Variants in JMJD1C observed in about 807,000 individuals in gnomAD.
JMJD1C encodes jumonji domain containing 1C.
JMJD1C carries 31 observed loss-of-function variants against 245.3 expected under a neutral mutation model. The ratio of observed to expected loss-of-function variants is 0.13; its 90% CI spans 0.09 to 0.17. JMJD1C has a LOEUF of 0.17. Ranked by LOEUF, JMJD1C falls within the 10% of genes least tolerant of loss-of-function variation. JMJD1C has a pLI of 1.00. For synonymous variants in JMJD1C, 1,057 were observed against 1,017.4 expected (o/e 1.04, Z -0.74); for missense variants, 2,691 against 3,000.2 (o/e 0.90, Z 2.41).
chr10:63,377,977 A>G (rs1946898690), intron 2 of JMJD1C, among the ~76,000 whole-genome samples: 1 of 148,928 alleles, frequency 6.7e-6, no homozygotes, highest in Non-Finnish European at 1.5e-5. Context: ...ATCAAAAATT[A>G]TATATATTAG....
At chr10:63,382,752 C>T in intron 1 of JMJD1C, 1 of 455,612 alleles carries the variant, frequency 2.2e-6, no homozygotes, top group Non-Finnish European at 4.4e-6. Flanking sequence ...GTCTTCTCAT[C>T]ACTTATATTT....
chr10:63,249,086 C>A (rs1006355782), intron 3 of JMJD1C, among the ~76,000 whole-genome samples: 2 of 152,146 alleles, frequency 1.3e-5, no homozygotes, highest in African/African-American at 4.8e-5. Flanking sequence ...GAGGCCAAGG[C>A]GGGTGGATCA....
At position 63,213,463 on chromosome 10, in the gene JMJD1C, T is replaced by A. The variant is rs1847609749; in HGVS notation, c.2694+10A>T. 1 of 1,523,332 alleles carries A rather than the reference T, an allele frequency of 6.6e-7. No homozygotes were observed. The highest frequency in any genetic ancestry group is 9.0e-7 in the Non-Finnish European group (1 of 1,106,906). 94.4% of individuals were successfully genotyped at this position (1,523,332 alleles called of 1,614,324 possible). A position where few individuals can be genotyped will look rare whatever the true frequency, so the allele number is the denominator to read the frequency against. On this transcript the variant is annotated intron_variant, in intron 8 of 25. Coordinates refer to ENST00000399262, the MANE Select transcript of JMJD1C (RefSeq NM_032776.3). ...TATACTGCTATGTGGCAAACTACAG[T>A]GTAACTTACCCTCCTTAATGAAGCT...
At chr10:63,319,413 C>T (rs1940566475) in intron 2 of JMJD1C, among the ~76,000 whole-genome samples, 1 of 151,086 alleles carries the variant, frequency 6.6e-6, no homozygotes, top group African/African-American at 2.4e-5. Context: ...TTATCTCTGG[C>T]AGTCTTATAT....
intron 22 of JMJD1C, among the ~76,000 whole-genome samples, chr10:63,181,905 A>G (rs182575922): frequency 3.3e-5 from 5 of 152,324 alleles, no homozygotes; most frequent in African/African-American, 1.2e-4. Flanking sequence ...CGCTCAGACA[A>G]TAACTCAAGT....
At chr10:63,393,450 T>C (rs1454705067) in intron 1 of JMJD1C, among the ~76,000 whole-genome samples, 2 of 152,150 alleles carry the variant, frequency 1.3e-5, no homozygotes, top group South Asian at 2.1e-4. Flanking sequence ...GAATATAAAT[T>C]AGTACAGTCA....
chr10:63,370,018 T>G (rs1405977716), intron 2 of JMJD1C, among the ~76,000 whole-genome samples: 4 of 152,186 alleles, frequency 2.6e-5, no homozygotes, highest in African/African-American at 9.7e-5. Context: ...GTATGTGATT[T>G]TGAGCCCCAG....
In JMJD1C at chr10:63,168,283, T is replaced by C. The variant is rs1322344475; in HGVS notation, c.7534-149A>G. The C allele has an allele frequency of 6.0e-6, 6 of 996,904 alleles. No homozygotes were observed. The East Asian group carries it at 1.2e-4, about 20-fold the overall frequency. The allele number at this position is 996,904 out of a possible 1,614,324, so 61.8% of individuals were successfully genotyped here. ...AAGTGTTAAGCCAAAAGGGACACTA[T>C]AAATCATACAATTAAATACATGTTG... On this transcript the variant is annotated intron_variant, in intron 25 of 25. Coordinates refer to ENST00000399262, the MANE Select transcript of JMJD1C (RefSeq NM_032776.3).
intron 1 of JMJD1C, among the ~76,000 whole-genome samples, chr10:63,399,799 C>A (rs1036213716): frequency 4.0e-5 from 6 of 150,888 alleles, no homozygotes; most frequent in South Asian, 2.1e-4. Context: ...ACAAAAACTT[C>A]TTTTGGGATT....
chr10:63,391,407 G>C (rs1473623556), intron 1 of JMJD1C, among the ~76,000 whole-genome samples: 4 of 152,104 alleles, frequency 2.6e-5, no homozygotes, highest in Non-Finnish European at 5.9e-5. Flanking sequence ...CCACTTGGGA[G>C]GCTGAGGCAG....
chr10:63,344,434 A>G (rs888136203), intron 2 of JMJD1C, among the ~76,000 whole-genome samples: 2 of 152,242 alleles, frequency 1.3e-5, no homozygotes, highest in Non-Finnish European at 2.9e-5. Context: ...TACACAGCAA[A>G]GAAATCACCT....
chr10:63,337,425 G>C (rs1942849979), intron 2 of JMJD1C, among the ~76,000 whole-genome samples: 1 of 124,462 alleles, frequency 8.0e-6, no homozygotes, highest in African/African-American at 3.1e-5. Context: ...CTGGGTGACA[G>C]AGTGAGCCTC....
At chr10:63,197,361 C>T in intron 13 of JMJD1C, 50 bp downstream of exon 13, 3 of 1,480,468 alleles carry the variant, frequency 2.0e-6, no homozygotes, top group Middle Eastern at 1.8e-4. Context: ...AAGAGTGATC[C>T]TAAAGAAAAA....
chr10:63,490,039 G>C (rs781498152), intron 1 of JMJD1C, among the ~76,000 whole-genome samples: 9 of 152,314 alleles, frequency 5.9e-5, no homozygotes, highest in Non-Finnish European at 1.3e-4. Flanking sequence ...TTCCTTATGA[G>C]AATCTAATGC....
At chr10:63,500,304 T>C (rs1385091418) in intron 1 of JMJD1C, among the ~76,000 whole-genome samples, 1 of 151,664 alleles carries the variant, frequency 6.6e-6, no homozygotes, top group Non-Finnish European at 1.5e-5. Flanking sequence ...ACACTTGTAG[T>C]CCCAGCCACT....
intron 3 of JMJD1C, among the ~76,000 whole-genome samples, chr10:63,234,561 C>A (rs760648764): frequency 1.1e-4 from 13 of 121,086 alleles, no homozygotes; most frequent in African/African-American, 4.4e-4. Flanking sequence ...TAAAAAAAAA[C>A]CTTTTAATAT....
chr10:63,334,585 G>A (rs923196562), intron 2 of JMJD1C, among the ~76,000 whole-genome samples: 3 of 152,072 alleles, frequency 2.0e-5, no homozygotes, highest in African/African-American at 7.2e-5. Context: ...AGCCAGGCGT[G>A]GTGGTATGTG....
intron 1 of JMJD1C, among the ~76,000 whole-genome samples, chr10:63,497,395 A>G (rs1439320718): frequency 6.6e-6 from 1 of 152,216 alleles, no homozygotes; most frequent in African/African-American, 2.4e-5. Context: ...AGCCAGTCAC[A>G]AAAGACCACA....
intron 17 of JMJD1C, among the ~76,000 whole-genome samples, chr10:63,190,499 G>A (rs1844662212): frequency 6.6e-6 from 1 of 152,098 alleles, no homozygotes. Context: ...GCCGCACCCG[G>A]CCCCCCATAT....
Sources: gnomAD v4.1 joint callset for allele counts (sites outside exome capture counted in the v4.1 genomes callset) on GRCh38, gnomAD v4.1.1 for gene constraint, MANE v1.5 for transcripts, NCBI Gene and HGNC (gene_info 2026-07-23, HGNC 2026-07-21) for gene names.